SLIT1: variants seen among roughly 807,000 people sequenced by gnomAD.
SLIT1 encodes slit guidance ligand 1, also known as slit homolog 1 protein.
In SLIT1, 66 loss-of-function variants were observed where a neutral mutation model predicts 186.1. The observed-to-expected ratio is 0.35, with a 90% CI of 0.29 to 0.44. The LOEUF is 0.44. Among genes scored for constraint, SLIT1 ranks in the 20% least tolerant of loss-of-function variants. The probability of loss-of-function intolerance (pLI) is 1.00; values close to 1 mark genes in which losing one functional copy is unlikely to be tolerated. For missense variants in SLIT1, 1,638 were observed against 2,037.4 expected, an observed-to-expected ratio of 0.80 and a Z score of 3.77; for synonymous variants, 761 against 833.8, an observed-to-expected ratio of 0.91 and a Z score of 1.50.
chr10:97,048,700 G>A (rs1280885576), intron 14 of SLIT1, among the ~76,000 whole-genome samples: 1 of 152,202 alleles, frequency 6.6e-6, no homozygotes, highest in African/African-American at 2.4e-5. Flanking sequence ...CCCTGAGCAG[G>A]CTGAATACAG....
rs1050735382 is a variant in SLIT1 at position 97,006,868 on chromosome 10, G to C, written c.3342-148C>G. 1 of 632,178 alleles carries C rather than the reference G, an allele frequency of 1.6e-6. No individual in the cohort carries two copies. The highest frequency in any genetic ancestry group is 2.8e-6 in the Non-Finnish European group (1 of 352,424). 39.2% of individuals were successfully genotyped at this position (632,178 alleles called of 1,614,324 possible). On this transcript the variant is annotated intron_variant, in intron 31 of 36. Transcript: ENST00000266058. This position sits in a 1 kb window ranked among gnomAD's most constrained non-coding sequence, Gnocchi z 4.0. ...TGCTCCTAATAAACACTTTTCATGAGAGAGCTGAGAGCCAGAAGGATACCA... is the reference window on the plus strand; with the variant it reads ...TGCTCCTAATAAACACTTTTCATGACAGAGCTGAGAGCCAGAAGGATACCA...
intron 25 of SLIT1, among the ~76,000 whole-genome samples, chr10:97,027,309 C>T (rs919311002): frequency 6.6e-6 from 1 of 152,222 alleles, no homozygotes; most frequent in Non-Finnish European, 1.5e-5. Context: ...AGTTGCAGGT[C>T]TTAAGCACAG....
At chr10:97,081,305 G>A (rs1849102730) in intron 4 of SLIT1, among the ~76,000 whole-genome samples, 1 of 152,152 alleles carries the variant, frequency 6.6e-6, no homozygotes, top group Non-Finnish European at 1.5e-5. Flanking sequence ...GCTTCTCCAG[G>A]GAGAAGCTGG....
At chr10:97,007,247 A>T (rs1287264107) in intron 31 of SLIT1, among the ~76,000 whole-genome samples, 1 of 152,224 alleles carries the variant, frequency 6.6e-6, no homozygotes, top group Non-Finnish European at 1.5e-5. Flanking sequence ...CAAACTACCA[A>T]AACTGAACCA....
At chr10:97,135,794 A>AC (rs1284972899) in intron 4 of SLIT1, among the ~76,000 whole-genome samples, 1 of 152,162 alleles carries the variant, frequency 6.6e-6, no homozygotes. Context: ...AATGACAGAG[A>AC]CCAGGTCGGG....
At chr10:97,101,035 C>T (rs115865051) in intron 4 of SLIT1, among the ~76,000 whole-genome samples, 2,197 of 152,322 alleles carry the variant, frequency 0.014, 46 homozygotes, top group African/African-American at 0.05. Context: ...TGAACCCCTT[C>T]CTGCTGGCAC....
intron 4 of SLIT1, among the ~76,000 whole-genome samples, chr10:97,142,723 T>C (rs1043564735): frequency 6.6e-6 from 1 of 152,208 alleles, no homozygotes; most frequent in Non-Finnish European, 1.5e-5. Context: ...ATATCTCTGA[T>C]AAGGGGTTAC....
intron 4 of SLIT1, among the ~76,000 whole-genome samples, chr10:97,106,013 T>C (rs1849410488): frequency 6.6e-6 from 1 of 152,066 alleles, no homozygotes; most frequent in Admixed American, 6.6e-5. Context: ...CCGGTTTTTG[T>C]TTTGTTTTGT....
At chr10:97,060,452 C>T (rs965509215) in intron 9 of SLIT1, among the ~76,000 whole-genome samples, 188 bp downstream of exon 9, 2 of 152,252 alleles carry the variant, frequency 1.3e-5, no homozygotes, top group Non-Finnish European at 2.9e-5. Flanking sequence ...ACTCCCTCCC[C>T]AGCCCTCCAG....
chr10:97,180,341 A>T (rs887864285), intron 1 of SLIT1, among the ~76,000 whole-genome samples: 21 of 152,260 alleles, frequency 1.4e-4, no homozygotes, highest in African/African-American at 5.1e-4. Flanking sequence ...CCTTTGGAGC[A>T]GGCCCTATCA....
At chr10:97,062,893 G>C (rs1043428620) in intron 8 of SLIT1, among the ~76,000 whole-genome samples, 1 of 152,246 alleles carries the variant, frequency 6.6e-6, no homozygotes, top group Non-Finnish European at 1.5e-5. Context: ...TAGGCAACCA[G>C]TCAGGAGGCT....
intron 4 of SLIT1, among the ~76,000 whole-genome samples, chr10:97,077,246 G>A (rs1202811477): frequency 6.6e-6 from 1 of 152,070 alleles, no homozygotes; most frequent in Non-Finnish European, 1.5e-5. Context: ...CAACTTGGGT[G>A]ACAGAGTGAG....
chr10:97,064,692 G>C (rs926751387), intron 6 of SLIT1, 113 bp downstream of exon 6: 6 of 722,286 alleles, frequency 8.3e-6, no homozygotes, highest in Non-Finnish European at 1.4e-5. Flanking sequence ...GATTCTAGGA[G>C]GGCAGGTCTC....
intron 4 of SLIT1, among the ~76,000 whole-genome samples, chr10:97,117,526 GGATTTCCAGGAACAACCCTT>G (rs997791693): frequency 2.0e-5 from 3 of 152,122 alleles, no homozygotes; most frequent in Non-Finnish European, 2.9e-5. Flanking sequence ...ACAAGGGTGT[GGATTTCCAGGAACAACCCTT>G]GAGGCTCTAT....
At chr10:97,037,885 C>T (rs1848655178) in intron 21 of SLIT1, 119 bp from the exon 22 acceptor site, 3 of 711,072 alleles carry the variant, frequency 4.2e-6, no homozygotes, top group Admixed American at 5.0e-5. Context: ...CCACATAGGC[C>T]ACACGATGGG....
Position 97,006,621 on chromosome 10 carries a change from G to C in SLIT1, c.3441C>G (p.Asn1147Lys), listed in dbSNP as rs768013554. 9 of 1,614,178 alleles carry C rather than the reference G, an allele frequency of 5.6e-6. No individual in the cohort carries two copies. Among genetic ancestry groups the C allele is most frequent in the African/African-American group, 1.3e-5 (1 of 75,072 alleles). The change falls in exon 32 of 37, where the codon AAC becomes AAG. Residue 1147 changes from asparagine to lysine, a missense_variant. By Grantham distance (94) the Asn-to-Lys change is moderately conservative (BLOSUM62 0). Transcript: ENST00000266058. The surrounding 1 kb of genome is among the most constrained non-coding windows in gnomAD (Gnocchi z 4.0). ...QNGANCVDQGNRPVCQCLPGF... is the reference protein window; with the variant it reads ...QNGANCVDQGKRPVCQCLPGF... ...CTGGGAGGCACTGGCACACAGGCCT[G>C]TTGCCCTGGTCCACACAGTTGGCCC...
At position 97,149,983 on chromosome 10, in the gene SLIT1, T is replaced by C. The variant is rs563715501; in HGVS notation, c.413+7835A>G. On this transcript the variant is annotated intron_variant, in intron 4 of 36. Transcript: ENST00000266058. ...CTGCTTGGCCCAGCTCTTCCCCAAA[T>C]TGTTTAACCAAGGAAGCTCCTTTTT... is the stretch of plus-strand genomic sequence containing the variant. Among the ~76,000 whole-genome samples the C allele has an allele frequency of 6.6e-5, 10 of 152,262 alleles. No individual in the cohort carries two copies. The East Asian group carries it at 1.2e-3, about 18-fold the overall frequency.
At chr10:97,185,423 C>G (rs965589885) in intron 1 of SLIT1, 55 bp downstream of exon 1, 1 of 1,556,540 alleles carries the variant, frequency 6.4e-7, no homozygotes. Flanking sequence ...GGAATTGCGT[C>G]TGGGTGGGAG....
intron 4 of SLIT1, among the ~76,000 whole-genome samples, chr10:97,075,155 C>G (rs1849034411): frequency 6.6e-6 from 1 of 152,196 alleles, no homozygotes; most frequent in African/African-American, 2.4e-5. Flanking sequence ...CGAGTGGTTA[C>G]CTTGAACCAG....
Sources: gnomAD v4.1 joint callset for allele counts (sites outside exome capture counted in the v4.1 genomes callset) on GRCh38, gnomAD v4.1.1 for gene constraint, Gnocchi (gnomAD v3.1) non-coding constraint, MANE v1.5 for transcripts, NCBI Gene and HGNC (gene_info 2026-07-23, HGNC 2026-07-21) for gene names.